Variants in MALRD1 observed in about 807,000 individuals in gnomAD.
MALRD1 encodes the protein MAM and LDL-receptor class A domain-containing protein 1.
In MALRD1, 247 loss-of-function variants were observed where a neutral mutation model predicts 242.1. The ratio of observed to expected loss-of-function variants is 1.02; its 90% CI spans 0.92 to 1.13. MALRD1 has a LOEUF of 1.13. MALRD1 is among the 50% of genes most tolerant of loss of function. The probability of loss-of-function intolerance (pLI) is 0.00; values close to 1 mark genes in which losing one functional copy is unlikely to be tolerated. For missense variants in MALRD1, 2,989 were observed against 2,533.1 expected (o/e 1.18, Z -3.86); for synonymous variants, 995 against 866.6 (o/e 1.15, Z -2.60).
intron 38 of MALRD1, among the ~76,000 whole-genome samples, chr10:19,726,337 A>T (rs975949315): frequency 6.6e-6 from 1 of 152,200 alleles, no homozygotes; most frequent in African/African-American, 2.4e-5. Flanking sequence ...TGAACATAAA[A>T]AGATGTTCAA....
intron 2 of MALRD1, among the ~76,000 whole-genome samples, chr10:19,085,661 A>T (rs185103606): frequency 6.6e-6 from 1 of 151,990 alleles, no homozygotes; most frequent in African/African-American, 2.4e-5. Flanking sequence ...TTTTATTTAT[A>T]AAACACTGTT....
At chr10:19,689,674 T>C (rs1156302478) in intron 36 of MALRD1, among the ~76,000 whole-genome samples, 4 of 152,206 alleles carry the variant, frequency 2.6e-5, no homozygotes, top group African/African-American at 4.8e-5. Flanking sequence ...AATTTTATTT[T>C]GGTTTTGCTT....
At chr10:19,087,567 T>C (rs1325596287) in intron 2 of MALRD1, among the ~76,000 whole-genome samples, 1 of 151,508 alleles carries the variant, frequency 6.6e-6, no homozygotes, top group Non-Finnish European at 1.5e-5. Context: ...TTTTAAGTTT[T>C]GTAGGTACAC....
At position 19,174,799 on chromosome 10, in the gene MALRD1, A is replaced by G. The variant is rs74118821; in HGVS notation, c.1831-409A>G. Among the ~76,000 whole-genome samples the G allele has an allele frequency of 5.7e-3, 867 of 152,154 alleles. 12 individuals are homozygous for G. The highest frequency in any genetic ancestry group is 0.02 in the African/African-American group (833 of 41,516). On this transcript the variant is annotated intron_variant, in intron 13 of 39. Transcript: ENST00000454679. ...GTTTGTATGAATGTATATAATATTT[A>G]AATATTTTAATATGGAAATAAATCA... is the stretch of plus-strand genomic sequence containing the variant.
intron 38 of MALRD1, among the ~76,000 whole-genome samples, chr10:19,702,907 G>T (rs1010741136): frequency 6.6e-5 from 10 of 152,308 alleles, no homozygotes; most frequent in Admixed American, 6.5e-4. Context: ...ATAACTTGAA[G>T]TAAACTTTTG....
chr10:19,385,762 T>C (rs1253535170), intron 26 of MALRD1, among the ~76,000 whole-genome samples: 1 of 152,086 alleles, frequency 6.6e-6, no homozygotes, highest in African/African-American at 2.4e-5. Context: ...TTATTTTTGT[T>C]CTGCTAACTT....
At chr10:19,192,304 G>A (rs999434247) in intron 14 of MALRD1, among the ~76,000 whole-genome samples, 6 of 152,176 alleles carry the variant, frequency 3.9e-5, no homozygotes, top group Non-Finnish European at 8.8e-5. Context: ...ATACTCCTAA[G>A]TTGTGCACTT....
At chr10:19,082,099 C>T (rs1835508960) in intron 2 of MALRD1, among the ~76,000 whole-genome samples, 1 of 151,582 alleles carries the variant, frequency 6.6e-6, no homozygotes, top group Admixed American at 6.6e-5. Context: ...TACTCTATTC[C>T]TCCATTACTA....
chr10:19,210,977 A>T (rs1837025951), intron 18 of MALRD1, among the ~76,000 whole-genome samples: 1 of 152,210 alleles, frequency 6.6e-6, no homozygotes, highest in Non-Finnish European at 1.5e-5. Context: ...CAAACATAAG[A>T]TACATGTAAT....
chr10:19,158,321 CTTTTGT>C (rs1206097868), intron 12 of MALRD1, among the ~76,000 whole-genome samples: 1 of 152,150 alleles, frequency 6.6e-6, no homozygotes, highest in East Asian at 1.9e-4. Context: ...ATTGATCTTT[CTTTTGT>C]TTTTAATTCT....
At chr10:19,336,293 T>C (rs889641862) in intron 24 of MALRD1, among the ~76,000 whole-genome samples, 1 of 152,258 alleles carries the variant, frequency 6.6e-6, no homozygotes, top group Admixed American at 6.5e-5. Flanking sequence ...TCAAATACAT[T>C]CTAATTAGCT....
rs1182009204 is a variant in MALRD1, at chr10:19,595,389, G to C, written c.5876G>C (p.Cys1959Ser). 22 of 1,550,314 alleles carry C rather than the reference G, an allele frequency of 1.4e-5. No homozygotes were observed. Among genetic ancestry groups the C allele is most frequent in the East Asian group, 2.4e-5 (1 of 40,920 alleles). The change falls in exon 34 of 40, where the codon TGT becomes TCT. Residue 1959 changes from cysteine (C) to serine (S), a missense_variant. Coordinates refer to ENST00000454679, the MANE Select transcript of MALRD1 (RefSeq NM_001142308.3). ...NMEFPCSTDE[C>S]IPSLLLCDGV... is the part of the protein sequence containing the mutation. ...GAGTTCCCGTGCTCTACAGACGAGTGTATACCTTCCCTCCTGCTATGCGAT... is the reference window on the plus strand; with the variant it reads ...GAGTTCCCGTGCTCTACAGACGAGTCTATACCTTCCCTCCTGCTATGCGAT...
chr10:19,278,781 C>A (rs183231112), intron 19 of MALRD1, among the ~76,000 whole-genome samples: 1 of 152,044 alleles, frequency 6.6e-6, no homozygotes, highest in Non-Finnish European at 1.5e-5. Flanking sequence ...ACACACAATA[C>A]CTTTAAGGGT....
intron 18 of MALRD1, among the ~76,000 whole-genome samples, chr10:19,236,840 A>C (rs893034659): frequency 3.9e-5 from 6 of 152,088 alleles, no homozygotes; most frequent in Admixed American, 2.6e-4. Flanking sequence ...TTTATATTTC[A>C]GTAGTATAGC....
chr10:19,273,206 T>C (rs1328084232), intron 19 of MALRD1, among the ~76,000 whole-genome samples: 1 of 152,146 alleles, frequency 6.6e-6, no homozygotes, highest in Non-Finnish European at 1.5e-5. Context: ...TTTTCATAAT[T>C]TCCATAATTG....
intron 20 of MALRD1, among the ~76,000 whole-genome samples, chr10:19,282,342 C>G (rs1564526843): frequency 1.3e-5 from 2 of 152,154 alleles, no homozygotes; most frequent in Non-Finnish European, 2.9e-5. Context: ...TATGCTGCCA[C>G]TATTAATGTC....
chr10:19,389,438 G>T lies in MALRD1; in HGVS notation c.4688-14G>T, dbSNP rs917380260. 5 of 1,549,314 alleles carry T rather than the reference G, an allele frequency of 3.2e-6. No individual in the cohort carries two copies. The South Asian group carries it at 4.8e-5, about 15-fold the overall frequency. The stretch of plus-strand genomic sequence containing the variant: ...GTTATTTCGTTCTTCTCTGAATTCT[G>T]TCCTTGTTCCTAGGGCACTTCATGT... On this transcript the variant is annotated splice_polypyrimidine_tract_variant and intron_variant, in intron 27 of 39. Coordinates refer to ENST00000454679, the MANE Select transcript of MALRD1 (RefSeq NM_001142308.3).
intron 11 of MALRD1, among the ~76,000 whole-genome samples, chr10:19,150,072 A>G (rs145141924): frequency 2.1e-3 from 313 of 152,318 alleles, no homozygotes; most frequent in African/African-American, 7.2e-3. Context: ...GCCACACTTC[A>G]TTTATCCACT....
intron 21 of MALRD1, among the ~76,000 whole-genome samples, chr10:19,317,550 C>A (rs1403932961): frequency 6.6e-6 from 1 of 151,938 alleles, no homozygotes. Flanking sequence ...CTAAAACAGC[C>A]TAAGTTAGCA....
Sources: gnomAD v4.1 joint callset for allele counts (sites outside exome capture counted in the v4.1 genomes callset) on GRCh38, gnomAD v4.1.1 for gene constraint, MANE v1.5 for transcripts, NCBI Gene and HGNC (gene_info 2026-07-23, HGNC 2026-07-21) for gene names.